Variants in MAML2 observed in about 807,000 individuals in gnomAD.
The protein encoded by MAML2 is mastermind-like protein 2.
A neutral mutation model predicts 96.1 loss-of-function variants in MAML2; 22 were observed. The ratio of observed to expected loss-of-function variants is 0.23; its 90% CI spans 0.16 to 0.33. The LOEUF is 0.33. Ranked by LOEUF, MAML2 falls within the 10% of genes least tolerant of loss-of-function variation. The pLI is 1.00. For missense variants in MAML2, 1,367 were observed against 1,392.4 expected (o/e 0.98, Z 0.29); for synonymous variants, 561 against 521.3 (o/e 1.08, Z -1.04).
chr11:96,070,915 A>T (rs10765786), intron 2 of MAML2, among the ~76,000 whole-genome samples: 115,885 of 152,162 alleles, frequency 0.76, 44,898 homozygotes, highest in Non-Finnish European at 0.84. Flanking sequence ...TAACTACAAA[A>T]GGTCTTTGAC....
chr11:96,193,751 G>T (rs1302330863), intron 1 of MAML2, among the ~76,000 whole-genome samples: 1 of 152,114 alleles, frequency 6.6e-6, no homozygotes, highest in Non-Finnish European at 1.5e-5. Context: ...CTTATGAAAT[G>T]CAAGAAACAC....
chr11:96,205,449 T>C (rs1016836790), intron 1 of MAML2, among the ~76,000 whole-genome samples: 1 of 152,218 alleles, frequency 6.6e-6, no homozygotes, highest in Non-Finnish European at 1.5e-5. Context: ...GGGGTACAAA[T>C]ATAAATATGA....
At chr11:96,099,706 G>C (rs892775420) in intron 1 of MAML2, among the ~76,000 whole-genome samples, 7 of 152,118 alleles carry the variant, frequency 4.6e-5, no homozygotes, top group African/African-American at 1.7e-4. Context: ...GTGGGTTGTG[G>C]GGAATATTTT....
At position 96,048,599 on chromosome 11, in the gene MAML2, A is replaced by C. The variant is rs527926373; in HGVS notation, c.2139+43293T>G. Among the ~76,000 whole-genome samples the C allele has an allele frequency of 3.3e-5, 5 of 152,360 alleles. No individual in the cohort carries two copies. In the South Asian group the frequency reaches 1.0e-3, roughly 32 times the overall value. ...TCAAGGAAATAAAGTATAAAATTTC[A>C]TTAAATTTACCTTCATTGGAAGAAT... On this transcript the variant is annotated intron_variant, in intron 2 of 4. Transcript: ENST00000524717.
At chr11:95,988,350 C>T (rs1857860897) in intron 3 of MAML2, among the ~76,000 whole-genome samples, 1 of 151,454 alleles carries the variant, frequency 6.6e-6, no homozygotes, top group Non-Finnish European at 1.5e-5. Flanking sequence ...CCTCTGCCTC[C>T]CAGGTTCAAG....
chr11:96,069,079 C>G (rs1460227184), intron 2 of MAML2, among the ~76,000 whole-genome samples: 1 of 151,930 alleles, frequency 6.6e-6, no homozygotes, highest in Non-Finnish European at 1.5e-5. Context: ...CAGGCATGTG[C>G]CACCAGCCCA....
chr11:96,160,439 T>G (rs1209062275), intron 1 of MAML2, among the ~76,000 whole-genome samples: 1 of 151,892 alleles, frequency 6.6e-6, no homozygotes, highest in Non-Finnish European at 1.5e-5. Context: ...TTTTTTTTTT[T>G]TTTTTGGAGA....
chr11:96,324,923 A>T (rs1275808192), intron 1 of MAML2, among the ~76,000 whole-genome samples: 2 of 152,194 alleles, frequency 1.3e-5, no homozygotes, highest in East Asian at 3.8e-4. Context: ...CTGGACCCAC[A>T]AGAAATACAG....
At chr11:95,985,366 AG>A (rs1857808775) in intron 4 of MAML2, among the ~76,000 whole-genome samples, 164 bp downstream of exon 4, 1 of 152,256 alleles carries the variant, frequency 6.6e-6, no homozygotes, top group Non-Finnish European at 1.5e-5. Flanking sequence ...AACTGATGAA[AG>A]GACTAAAAAA....
At chr11:96,027,027 G>A (rs1858535499) in intron 2 of MAML2, among the ~76,000 whole-genome samples, 1 of 152,122 alleles carries the variant, frequency 6.6e-6, no homozygotes, top group South Asian at 2.1e-4. Context: ...AACATTGTAG[G>A]AAGCTTGTTT....
At chr11:96,199,427 A>G (rs74350848) in intron 1 of MAML2, among the ~76,000 whole-genome samples, 3,838 of 152,230 alleles carry the variant, frequency 0.025, 75 homozygotes, top group Non-Finnish European at 0.033. Context: ...AGAGACAGAA[A>G]AAAAATTTAT....
chr11:96,169,530 C>A (rs1861248098), intron 1 of MAML2, among the ~76,000 whole-genome samples: 1 of 152,168 alleles, frequency 6.6e-6, no homozygotes, highest in Admixed American at 6.5e-5. Flanking sequence ...TCCTGGGACG[C>A]AAATTGAAAG....
chr11:96,181,269 C>G (rs1861480007), intron 1 of MAML2, among the ~76,000 whole-genome samples: 1 of 152,148 alleles, frequency 6.6e-6, no homozygotes, highest in Non-Finnish European at 1.5e-5. Context: ...AGACACACCT[C>G]CAGAAAAAGT....
chr11:96,246,412 T>A (rs529285142), intron 1 of MAML2, among the ~76,000 whole-genome samples: 1 of 152,182 alleles, frequency 6.6e-6, no homozygotes, highest in South Asian at 2.1e-4. Context: ...TTGAACTACA[T>A]ACAAAATGCT....
At chr11:96,076,807 T>C (rs1280385030) in intron 2 of MAML2, among the ~76,000 whole-genome samples, 1 of 152,238 alleles carries the variant, frequency 6.6e-6, no homozygotes, top group Non-Finnish European at 1.5e-5. Context: ...CTCATACTTC[T>C]TGCTGCTGTC....
Position 95,979,479 on chromosome 11 carries a change from C to T in MAML2, c.2940G>A (p.Thr980=), listed in dbSNP as rs147042613. The T allele has an allele frequency of 2.2e-4, 357 of 1,613,552 alleles. No homozygotes were observed. Among genetic ancestry groups the T allele is most frequent in the East Asian group, 3.1e-4 (14 of 44,850 alleles). Residue 980 remains threonine (T), a synonymous_variant, in exon 5 of 5, where the codon ACG becomes ACA. Transcript: ENST00000524717. The stretch of plus-strand genomic sequence containing the variant: ...CTGTGGGGAAGCGGACTCCTGCAGA[C>T]GTCAGGGCTTCTTGCTGTTTGCTTG... ...EGTSKQQEAL[T]SAGVRFPTGT...
intron 1 of MAML2, among the ~76,000 whole-genome samples, chr11:96,234,191 G>T (rs1440270518): frequency 1.3e-5 from 2 of 152,104 alleles, no homozygotes; most frequent in Non-Finnish European, 2.9e-5. Context: ...AGTTAAAATG[G>T]GATAACAGAG....
chr11:96,029,457 T>TG (rs775865662), intron 2 of MAML2, among the ~76,000 whole-genome samples: 13 of 152,192 alleles, frequency 8.5e-5, no homozygotes, highest in Non-Finnish European at 1.5e-4. Flanking sequence ...TTTACCAATG[T>TG]GGGAGACCAA....
chr11:96,096,754 A>T (rs1859836134), intron 1 of MAML2, among the ~76,000 whole-genome samples: 1 of 152,238 alleles, frequency 6.6e-6, no homozygotes, highest in Non-Finnish European at 1.5e-5. Flanking sequence ...CTCTGAGATC[A>T]TTATCCTGCC....
Sources: gnomAD v4.1 joint callset for allele counts (sites outside exome capture counted in the v4.1 genomes callset) on GRCh38, gnomAD v4.1.1 for gene constraint, MANE v1.5 for transcripts, NCBI Gene and HGNC (gene_info 2026-07-23, HGNC 2026-07-21) for gene names.